The following SPTLC3 variants were observed in gnomAD, a reference collection of about 807,000 sequenced individuals.
The protein encoded by SPTLC3 is serine palmitoyltransferase long chain base subunit 3.
A neutral mutation model predicts 59.3 loss-of-function variants in SPTLC3; 36 were observed. That is an observed-to-expected ratio of 0.61 (90% CI 0.47 to 0.80). The LOEUF (loss-of-function observed/expected upper bound fraction) is 0.80, where lower values mean the gene tolerates loss of function less well. Ranked by LOEUF, SPTLC3 falls within the 30% of genes least tolerant of loss-of-function variation. The pLI is 0.00. For synonymous variants in SPTLC3, 257 were observed against 240.8 expected (o/e 1.07, Z -0.62); for missense variants, 625 against 685.1 (o/e 0.91, Z 0.98).
chr20:13,085,050 T>C (rs1279923271), intron 4 of SPTLC3, among the ~76,000 whole-genome samples: 2 of 152,086 alleles, frequency 1.3e-5, no homozygotes, highest in Non-Finnish European at 2.9e-5. Context: ...AAAAAGCAGG[T>C]TGATTTGTGG....
At chr20:13,042,355 T>A (rs1355046676) in intron 1 of SPTLC3, among the ~76,000 whole-genome samples, 1 of 152,182 alleles carries the variant, frequency 6.6e-6, no homozygotes, top group Non-Finnish European at 1.5e-5. Context: ...AATGAATCAC[T>A]GCTTCAGAGC....
chr20:13,065,237 C>A (rs890545629), intron 2 of SPTLC3, among the ~76,000 whole-genome samples: 1 of 147,228 alleles, frequency 6.8e-6, no homozygotes, highest in Non-Finnish European at 1.5e-5. Context: ...ATATTAATGC[C>A]TTTCACTGTG....
chr20:13,093,586 C>T lies in SPTLC3; in HGVS notation c.826+9C>T. 1.2e-6 allele frequency: 2 copies of T among 1,610,714 alleles called. No individual in the cohort carries two copies. Among genetic ancestry groups the T allele is most frequent in the Non-Finnish European group, 8.5e-7 (1 of 1,177,192 alleles). On this transcript the variant is annotated intron_variant, in intron 6 of 11. Coordinates refer to ENST00000399002, the MANE Select transcript of SPTLC3 (RefSeq NM_018327.4). ...AATCTTCAAACACAACAGTGAGTAT[C>T]AGTGTATTTTCTCAACATGTACTGG...
intron 7 of SPTLC3, among the ~76,000 whole-genome samples, chr20:13,112,718 G>T (rs559386797): frequency 2.4e-4 from 36 of 152,226 alleles, no homozygotes; most frequent in Non-Finnish European, 4.4e-4. Context: ...GACCTAAAAG[G>T]CCACATTCAC....
intron 9 of SPTLC3, among the ~76,000 whole-genome samples, chr20:13,143,567 G>A (rs1049146745): frequency 9.9e-5 from 15 of 152,204 alleles, no homozygotes; most frequent in Non-Finnish European, 1.9e-4. Context: ...TACTGTTTGA[G>A]TGCTTGGCTG....
intron 4 of SPTLC3, among the ~76,000 whole-genome samples, chr20:13,088,994 C>T (rs992513696): frequency 1.9e-4 from 29 of 152,252 alleles, no homozygotes; most frequent in Non-Finnish European, 3.8e-4. Context: ...GTTTGAAAAG[C>T]AAGGCCCTTC....
At chr20:13,094,884 A>G (rs1989359451) in intron 6 of SPTLC3, among the ~76,000 whole-genome samples, 1 of 152,210 alleles carries the variant, frequency 6.6e-6, no homozygotes, top group Non-Finnish European at 1.5e-5. Flanking sequence ...TAGGGTGGCT[A>G]TAACATCTGG....
rs576795474 is a variant in SPTLC3 at position 13,139,305 on chromosome 20, C to T, written c.1279+12588C>T. ...GTCTTTGAAAATTTTCCATAGTATCCTTCTTTGTGGGGTTGGTATTAGTTA... is the reference window on the plus strand; with the variant it reads ...GTCTTTGAAAATTTTCCATAGTATCTTTCTTTGTGGGGTTGGTATTAGTTA... On this transcript the variant is annotated intron_variant, in intron 9 of 11. Transcript: ENST00000399002. Among the ~76,000 whole-genome samples, 4 of 152,272 alleles carry T rather than the reference C, an allele frequency of 2.6e-5. No homozygotes were observed. The South Asian group carries it at 8.3e-4, about 32-fold the overall frequency.
intron 1 of SPTLC3, among the ~76,000 whole-genome samples, chr20:13,012,690 G>A (rs6074545): frequency 0.2 from 30,455 of 151,988 alleles, 3,594 homozygotes; most frequent in South Asian, 0.38. Context: ...CCCATGAAGT[G>A]GTAGTATACT....
chr20:13,042,414 T>G (rs1987027531), intron 1 of SPTLC3, among the ~76,000 whole-genome samples: 2 of 152,178 alleles, frequency 1.3e-5, no homozygotes, highest in Non-Finnish European at 2.9e-5. Flanking sequence ...CTGGTTTTCT[T>G]GGCTTTCCTC....
At chr20:13,092,624 G>C (rs2122631015) in intron 5 of SPTLC3, among the ~76,000 whole-genome samples, 1 of 152,194 alleles carries the variant, frequency 6.6e-6, no homozygotes, top group South Asian at 2.1e-4. Flanking sequence ...GTGAGGTAGA[G>C]GCTTATAGAT....
rs766791646 is a variant in SPTLC3 at position 13,091,064 on chromosome 20, C to T, written c.608-19C>T. 1 of 1,612,332 alleles carries T rather than the reference C, an allele frequency of 6.2e-7. No homozygotes were observed. The highest frequency in any genetic ancestry group is 1.3e-5 in the African/African-American group (1 of 74,852). The stretch of plus-strand genomic sequence containing the variant: ...TGTTGAAAAGAGAAGGCTCACTTCT[C>T]ATGTAATTTTATGTGCAGGCACCTT... On this transcript the variant is annotated intron_variant, in intron 4 of 11. Coordinates refer to ENST00000399002, the MANE Select transcript of SPTLC3 (RefSeq NM_018327.4).
intron 2 of SPTLC3, among the ~76,000 whole-genome samples, chr20:13,055,266 G>A (rs192208854): frequency 4.5e-4 from 68 of 152,010 alleles, no homozygotes; most frequent in African/African-American, 1.5e-3. Context: ...TAAAGAAACA[G>A]TTAAATCAAG....
intron 9 of SPTLC3, among the ~76,000 whole-genome samples, chr20:13,139,449 T>C (rs1277389853): frequency 6.6e-6 from 1 of 152,226 alleles, no homozygotes. Flanking sequence ...AAGACAGTTC[T>C]CTTCCAAGAA....
intron 9 of SPTLC3, among the ~76,000 whole-genome samples, chr20:13,128,421 C>CTA (rs1466896109): frequency 6.6e-6 from 1 of 152,154 alleles, no homozygotes; most frequent in Non-Finnish European, 1.5e-5. Context: ...AGTCAACTCT[C>CTA]TACACAGTGC....
At chr20:13,111,774 C>T (rs1283088347) in intron 7 of SPTLC3, among the ~76,000 whole-genome samples, 2 of 152,170 alleles carry the variant, frequency 1.3e-5, no homozygotes, top group Admixed American at 1.3e-4. Context: ...GCAGAGTAAA[C>T]AAAACCCAAC....
intron 8 of SPTLC3, among the ~76,000 whole-genome samples, chr20:13,125,340 A>T (rs1254058992): frequency 6.6e-6 from 1 of 152,162 alleles, no homozygotes; most frequent in African/African-American, 2.4e-5. Context: ...AAAACACAAA[A>T]TTCCAATAGT....
intron 1 of SPTLC3, among the ~76,000 whole-genome samples, chr20:13,015,956 A>T (rs1985508506): frequency 6.6e-6 from 1 of 152,148 alleles, no homozygotes; most frequent in African/African-American, 2.4e-5. Context: ...TTATTTCTGC[A>T]TGGCAAAAAC....
At position 13,151,924 on chromosome 20, in the gene SPTLC3, A is replaced by T. The variant is rs549715481; in HGVS notation, c.1280-2079A>T. Among the ~76,000 whole-genome samples the T allele has an allele frequency of 2.6e-5, 4 of 152,064 alleles. No homozygotes were observed. The South Asian group carries it at 8.3e-4, about 32-fold the overall frequency. On this transcript the variant is annotated intron_variant, in intron 9 of 11. Coordinates refer to ENST00000399002, the MANE Select transcript of SPTLC3 (RefSeq NM_018327.4). ...TCCTATGCTAGTGATACCTTACCTAACCGCTCACAACATGAGGCTGTCAAA... is the reference window on the plus strand; with the variant it reads ...TCCTATGCTAGTGATACCTTACCTATCCGCTCACAACATGAGGCTGTCAAA...
Sources: allele counts gnomAD v4.1 joint callset (sites outside exome capture counted in the v4.1 genomes callset), GRCh38; gene constraint gnomAD v4.1.1; transcripts MANE v1.5; gene names NCBI Gene and HGNC (gene_info 2026-07-23, HGNC 2026-07-21).